The following SYN3 variants were observed in gnomAD, a reference collection of about 807,000 sequenced individuals.
SYN3 encodes the protein synapsin-3.
Under a neutral mutation model 65.8 loss-of-function variants are expected in SYN3, and 35 were observed. That is an observed-to-expected ratio of 0.53 (90% CI 0.41 to 0.70). The LOEUF (loss-of-function observed/expected upper bound fraction) is 0.70. Among genes scored for constraint, SYN3 ranks in the 30% least tolerant of loss-of-function variants. The pLI is 0.00. For synonymous variants in SYN3, 270 were observed against 292.9 expected (o/e 0.92, Z 0.80); for missense variants, 680 against 749.0 (o/e 0.91, Z 1.08).
At chr22:33,007,059 T>C (rs1228049371) in intron 1 of SYN3, among the ~76,000 whole-genome samples, 1 of 152,226 alleles carries the variant, frequency 6.6e-6, no homozygotes, top group African/African-American at 2.4e-5. Flanking sequence ...TGCACAAATA[T>C]GTTAATCACA....
chr22:32,642,509 C>T (rs912229434), intron 6 of SYN3, among the ~76,000 whole-genome samples: 18 of 151,594 alleles, frequency 1.2e-4, no homozygotes, highest in Non-Finnish European at 2.1e-4. Context: ...GGCGCAATCG[C>T]GGCTCACTGC....
intron 1 of SYN3, among the ~76,000 whole-genome samples, chr22:33,048,903 C>T (rs932768502): frequency 1.3e-5 from 2 of 152,164 alleles, no homozygotes; most frequent in African/African-American, 4.8e-5. Flanking sequence ...TCACCCCATG[C>T]CCTAGAGATT....
At chr22:32,516,346 G>GATTTATTTATTTATTTATTTATTTATTT (rs58972175) in intron 13 of SYN3, among the ~76,000 whole-genome samples, 9 of 149,842 alleles carry the variant, frequency 6.0e-5, no homozygotes, top group Admixed American at 5.3e-4. Context: ...ATACATCTTT[G>GATTTATTTATTTATTTATTTATTTATTT]ATTTATTTAT....
At chr22:32,517,594 T>C (rs1484063979) in intron 13 of SYN3, among the ~76,000 whole-genome samples, 2 of 152,216 alleles carry the variant, frequency 1.3e-5, no homozygotes, top group Non-Finnish European at 2.9e-5. Flanking sequence ...GGCATAATTA[T>C]ACTCACAATT....
intron 3 of SYN3, among the ~76,000 whole-genome samples, chr22:32,961,877 T>C (rs1312944170): frequency 6.6e-6 from 1 of 152,210 alleles, no homozygotes; most frequent in Non-Finnish European, 1.5e-5. Flanking sequence ...TTGCGGTTAC[T>C]AGCTCCATTC....
chr22:32,932,984 C>T (rs1045087479), intron 3 of SYN3, among the ~76,000 whole-genome samples: 7 of 152,156 alleles, frequency 4.6e-5, no homozygotes, highest in Non-Finnish European at 4.4e-5. Context: ...AGCTCCTGTT[C>T]TTATAAGGAC....
At chr22:32,973,281 G>A (rs1206284262) in intron 3 of SYN3, among the ~76,000 whole-genome samples, 1 of 152,164 alleles carries the variant, frequency 6.6e-6, no homozygotes, top group African/African-American at 2.4e-5. Flanking sequence ...CTGGAAAGGT[G>A]CCCAAGAAAC....
intron 3 of SYN3, among the ~76,000 whole-genome samples, chr22:32,944,213 C>G (rs958369031): frequency 1.6e-4 from 24 of 152,154 alleles, no homozygotes; most frequent in Admixed American, 5.2e-4. Context: ...CACTCCTCAG[C>G]AAATGTAAAA....
intron 6 of SYN3, among the ~76,000 whole-genome samples, chr22:32,640,247 G>T (rs560622023): frequency 6.6e-6 from 1 of 152,254 alleles, no homozygotes; most frequent in African/African-American, 2.4e-5. Flanking sequence ...AACCTCTATT[G>T]TAGCATTTAT....
chr22:32,748,885 A>G (rs769709930), intron 6 of SYN3, among the ~76,000 whole-genome samples: 3 of 152,150 alleles, frequency 2.0e-5, no homozygotes, highest in Non-Finnish European at 4.4e-5. Flanking sequence ...GTTCTGGCTT[A>G]GCTAGTGACT....
chr22:32,711,677 A>G (rs2060967976), intron 6 of SYN3, among the ~76,000 whole-genome samples: 1 of 152,106 alleles, frequency 6.6e-6, no homozygotes, highest in African/African-American at 2.4e-5. Context: ...AAGAAATCTC[A>G]ATTCCTTGCA....
intron 6 of SYN3, among the ~76,000 whole-genome samples, chr22:32,774,007 C>G (rs1439195802): frequency 6.6e-6 from 1 of 152,012 alleles, no homozygotes; most frequent in African/African-American, 2.4e-5. Context: ...CAGAATGTGT[C>G]TGAGGAGCAA....
At chr22:32,600,964 G>A (rs1293988632) in intron 6 of SYN3, among the ~76,000 whole-genome samples, 2 of 152,178 alleles carry the variant, frequency 1.3e-5, no homozygotes, top group Admixed American at 6.5e-5. Context: ...TGGGATAACA[G>A]GCGTGAGCCA....
intron 6 of SYN3, among the ~76,000 whole-genome samples, chr22:32,657,216 CG>C (rs1470772606): frequency 6.6e-6 from 1 of 151,898 alleles, no homozygotes; most frequent in Non-Finnish European, 1.5e-5. Flanking sequence ...CTCCACCTCC[CG>C]GGTTCACGCC....
At chr22:32,598,508 CAG>C (rs2059235346) in intron 6 of SYN3, among the ~76,000 whole-genome samples, 1 of 151,986 alleles carries the variant, frequency 6.6e-6, no homozygotes, top group Admixed American at 6.6e-5. Context: ...TTTTTTGAGA[CAG>C]AGTCTCACTC....
rs1250264450 is a variant in SYN3, at chr22:32,683,938, C to T, written c.712-87202G>A. Among the ~76,000 whole-genome samples, 4 of 152,246 alleles carry T rather than the reference C, an allele frequency of 2.6e-5. No homozygotes were observed. In the South Asian group the frequency reaches 8.3e-4, roughly 32 times the overall value. ...TCTTAGGTTCTCTTGCTACTGGGGC[C>T]CTCACTGAATGGATGGATGCAAGTC... On this transcript the variant is annotated intron_variant, in intron 6 of 13. Coordinates refer to ENST00000358763, the MANE Select transcript of SYN3 (RefSeq NM_003490.4).
chr22:33,028,963 C>T (rs1459723291), intron 1 of SYN3, among the ~76,000 whole-genome samples: 2 of 151,818 alleles, frequency 1.3e-5, no homozygotes, highest in African/African-American at 2.4e-5. Flanking sequence ...TGGTGTAAAC[C>T]CGGGAGGCAG....
chr22:32,582,562 G>A, intron 7 of SYN3, among the ~76,000 whole-genome samples: 1 of 151,974 alleles, frequency 6.6e-6, no homozygotes, highest in African/African-American at 2.4e-5. Flanking sequence ...CGGGCTGGGG[G>A]TGGGGGTGGG....
intron 4 of SYN3, among the ~76,000 whole-genome samples, chr22:32,909,751 C>G (rs1601673771): frequency 6.6e-6 from 1 of 151,890 alleles, no homozygotes; most frequent in South Asian, 2.1e-4. Context: ...AACCTGTCAG[C>G]CTTCTCTCCT....
Sources: gnomAD v4.1 joint callset for allele counts (sites outside exome capture counted in the v4.1 genomes callset) on GRCh38, gnomAD v4.1.1 for gene constraint, MANE v1.5 for transcripts, NCBI Gene and HGNC (gene_info 2026-07-23, HGNC 2026-07-21) for gene names.